The following NTM variants were observed in gnomAD, a reference collection of about 807,000 sequenced individuals.
NTM encodes the protein neurotrimin, also known as IgLON family member 2.
A neutral mutation model predicts 42.1 loss-of-function variants in NTM; 13 were observed. The ratio of observed to expected loss-of-function variants is 0.31; its 90% CI spans 0.20 to 0.49. NTM has a LOEUF of 0.49. Ranked by LOEUF, NTM falls within the 20% of genes least tolerant of loss-of-function variation. The probability of loss-of-function intolerance (pLI) is 0.99; values close to 1 mark genes in which losing one functional copy is unlikely to be tolerated. For synonymous variants in NTM, 187 were observed against 179.2 expected (o/e 1.04, Z -0.35); for missense variants, 373 against 452.8 (o/e 0.82, Z 1.60).
intron 1 of NTM, among the ~76,000 whole-genome samples, chr11:131,764,270 G>C (rs2084754245): frequency 6.6e-6 from 1 of 152,056 alleles, no homozygotes; most frequent in African/African-American, 2.4e-5. Flanking sequence ...TTCATTTCCA[G>C]ACTTTACCTG....
chr11:132,199,706 C>G (rs755795812), intron 3 of NTM, among the ~76,000 whole-genome samples: 519 of 152,234 alleles, frequency 3.4e-3, no homozygotes, highest in Non-Finnish European at 4.0e-3. Flanking sequence ...AAATTCCCAA[C>G]TTGCCCTTTT....
chr11:131,642,396 C>T (rs1328584658), intron 1 of NTM, among the ~76,000 whole-genome samples: 1 of 152,200 alleles, frequency 6.6e-6, no homozygotes, highest in Non-Finnish European at 1.5e-5. Flanking sequence ...GTGGGAGAAG[C>T]AACTTTGAAA....
chr11:131,679,549 TC>T (rs569109066), intron 1 of NTM, among the ~76,000 whole-genome samples: 2 of 152,120 alleles, frequency 1.3e-5, no homozygotes, highest in South Asian at 4.2e-4. Flanking sequence ...TGCCCAGCTT[TC>T]AGCGGTGCCT....
At chr11:131,961,696 C>G (rs538818169) in intron 2 of NTM, among the ~76,000 whole-genome samples, 1 of 152,056 alleles carries the variant, frequency 6.6e-6, no homozygotes, top group Non-Finnish European at 1.5e-5. Flanking sequence ...CAAGAGTGGC[C>G]GGCAGTGAGG....
intron 2 of NTM, among the ~76,000 whole-genome samples, chr11:132,013,090 C>T (rs186015081): frequency 5.3e-5 from 8 of 151,904 alleles, no homozygotes; most frequent in Admixed American, 1.3e-4. Flanking sequence ...AACCAATTTT[C>T]GAATCACTGA....
intron 1 of NTM, among the ~76,000 whole-genome samples, chr11:131,783,558 T>C (rs1262005828): frequency 1.3e-5 from 2 of 152,178 alleles, no homozygotes; most frequent in South Asian, 2.1e-4. Flanking sequence ...CTCTTTTCAA[T>C]GTATGGTGCT....
At chr11:131,830,117 C>T (rs955170982) in intron 1 of NTM, among the ~76,000 whole-genome samples, 1 of 152,114 alleles carries the variant, frequency 6.6e-6, no homozygotes, top group Non-Finnish European at 1.5e-5. Flanking sequence ...TATTTTCTCC[C>T]AGTCTATAGA....
chr11:131,391,549 G>GAAAAGAAAGA (rs1228250846), intron 1 of NTM, among the ~76,000 whole-genome samples: 1 of 145,388 alleles, frequency 6.9e-6, no homozygotes, highest in East Asian at 2.0e-4. Context: ...TTTAATAGGG[G>GAAAAGAAAGA]AAAAGAAAGA....
intron 1 of NTM, among the ~76,000 whole-genome samples, chr11:131,468,237 G>T (rs1433169828): frequency 2.0e-5 from 3 of 152,318 alleles, no homozygotes; most frequent in African/African-American, 7.2e-5. Flanking sequence ...CTAATGAGAG[G>T]CAACACCCCA....
chr11:132,072,391 G>A (rs2057799494), intron 2 of NTM, among the ~76,000 whole-genome samples: 3 of 152,198 alleles, frequency 2.0e-5, no homozygotes, highest in African/African-American at 4.8e-5. Flanking sequence ...GAGTCTCTTA[G>A]AACAATAAGG....
At chr11:131,729,671 A>G (rs2079392799) in intron 1 of NTM, among the ~76,000 whole-genome samples, 1 of 152,226 alleles carries the variant, frequency 6.6e-6, no homozygotes, top group Non-Finnish European at 1.5e-5. Flanking sequence ...TTTCACAAAT[A>G]TGAAATTAAT....
At chr11:131,781,199 G>A (rs957546885) in intron 1 of NTM, among the ~76,000 whole-genome samples, 7 of 151,800 alleles carry the variant, frequency 4.6e-5, no homozygotes, top group Non-Finnish European at 8.8e-5. Context: ...GACAGAAATA[G>A]CACTCTAAAA....
intron 3 of NTM, among the ~76,000 whole-genome samples, chr11:132,173,683 G>A (rs2076399235): frequency 6.6e-6 from 1 of 152,158 alleles, no homozygotes; most frequent in Non-Finnish European, 1.5e-5. Context: ...AGTAGGGCAA[G>A]TATCATTCAT....
At chr11:131,489,061 T>C (rs897341151) in intron 1 of NTM, among the ~76,000 whole-genome samples, 1 of 152,234 alleles carries the variant, frequency 6.6e-6, no homozygotes, top group Non-Finnish European at 1.5e-5. Context: ...GTGAGGGTTC[T>C]TGATTCAAGC....
intron 2 of NTM, among the ~76,000 whole-genome samples, chr11:132,008,059 T>C (rs1015442666): frequency 1.3e-5 from 2 of 152,050 alleles, no homozygotes; most frequent in Non-Finnish European, 2.9e-5. Context: ...TTTGGGGAAA[T>C]ACACCTAGTC....
At position 131,500,355 on chromosome 11, in the gene NTM, A is replaced by G. The variant is rs557450444; in HGVS notation, c.82+129467A>G. Among the ~76,000 whole-genome samples, 89 of 152,098 alleles carry G rather than the reference A, an allele frequency of 5.9e-4. 1 individual carries two copies. The South Asian group carries it at 0.018, about 31-fold the overall frequency. ...AGATGTATTTATTCTATAAATATTT[A>G]TGAAGTAATTCTTCTCAATGAACCC... On this transcript the variant is annotated intron_variant, in intron 1 of 8. Transcript: ENST00000683400.
chr11:131,670,148 T>C (rs2069857417), intron 1 of NTM, among the ~76,000 whole-genome samples: 1 of 152,160 alleles, frequency 6.6e-6, no homozygotes, highest in Non-Finnish European at 1.5e-5. Context: ...CCTATTAAAA[T>C]ATCACATCAG....
chr11:131,840,530 G>T (rs2136667934), intron 1 of NTM, among the ~76,000 whole-genome samples: 1 of 152,276 alleles, frequency 6.6e-6, no homozygotes, highest in South Asian at 2.1e-4. Flanking sequence ...GACAGCAAAA[G>T]AAAACTTAAG....
chr11:132,035,814 G>A (rs546168524), intron 2 of NTM, among the ~76,000 whole-genome samples: 61 of 152,256 alleles, frequency 4.0e-4, no homozygotes, highest in Middle Eastern at 3.4e-3. Context: ...AGCTGGCAAG[G>A]CAGTAATGCT....
Sources: allele counts gnomAD v4.1 joint callset (sites outside exome capture counted in the v4.1 genomes callset), GRCh38; gene constraint gnomAD v4.1.1; transcripts MANE v1.5; gene names NCBI Gene and HGNC (gene_info 2026-07-23, HGNC 2026-07-21).